PAN2: variants seen among roughly 807,000 people sequenced by gnomAD.
PAN2 encodes PAN2-PAN3 deadenylation complex catalytic subunit PAN2.
In PAN2, 68 loss-of-function variants were observed where a neutral mutation model predicts 133.3. The observed-to-expected ratio is 0.51, with a 90% CI of 0.42 to 0.62. The LOEUF is 0.62. Among genes scored for constraint, PAN2 ranks in the 20% least tolerant of loss-of-function variants. PAN2 has a pLI of 0.00. For missense variants in PAN2, 1,042 were observed against 1,500.5 expected (o/e 0.69, Z 5.05); for synonymous variants, 462 against 544.6 (o/e 0.85, Z 2.11).
At position 56,319,234 on chromosome 12, in the gene PAN2, A is replaced by G; in HGVS notation, c.3271-53T>C. ...TAAGGTAGGGGACCTATAATTCCCC[A>G]TTCTCTAAAGGCACAATGTATACCC... On this transcript the variant is annotated intron_variant, in intron 23 of 25. Coordinates refer to ENST00000440411, the MANE Select transcript of PAN2 (RefSeq NM_014871.6). This position sits in a 1 kb window ranked among gnomAD's most constrained non-coding sequence, Gnocchi z 5.4. The G allele has an allele frequency of 6.2e-7, 1 of 1,613,876 alleles. No individual in the cohort carries two copies. The highest frequency in any genetic ancestry group is 8.5e-7 in the Non-Finnish European group (1 of 1,179,866).
rs1239177904 is a variant in PAN2 at position 56,317,627 on chromosome 12, G to A, written c.3579C>T (p.Ser1193=). 5 of 1,613,820 alleles carry A rather than the reference G, an allele frequency of 3.1e-6. No individual in the cohort carries two copies. Among genetic ancestry groups the A allele is most frequent in the Non-Finnish European group, 4.2e-6 (5 of 1,179,798 alleles). Residue 1193 remains serine, a synonymous_variant, in exon 26 of 26, where the codon TCC becomes TCT. Transcript: ENST00000440411. ...AGGGTAGTCAGAGCGCCAGCACTGA[G>A]GAGAAGACAGCTGCATCTGTCAGAG... is the stretch of plus-strand genomic sequence containing the variant. ...QTSPKNAAVF[S]SVLAL
At chr12:56,331,696 CA>C (rs1250766785) in intron 2 of PAN2, among the ~76,000 whole-genome samples, 1 of 134,938 alleles carries the variant, frequency 7.4e-6, no homozygotes, top group African/African-American at 2.6e-5. Flanking sequence ...AAATGAAGGA[CA>C]GCGTTTTTTT....
At chr12:56,332,097 T>C (rs1346108425) in intron 2 of PAN2, among the ~76,000 whole-genome samples, 1 of 152,176 alleles carries the variant, frequency 6.6e-6, no homozygotes, top group Non-Finnish European at 1.5e-5. Context: ...TTAAGATTGA[T>C]AACTGCTCTG....
intron 2 of PAN2, among the ~76,000 whole-genome samples, chr12:56,330,149 C>G (rs1007528691): frequency 1.2e-4 from 18 of 152,036 alleles, no homozygotes; most frequent in African/African-American, 4.3e-4. Flanking sequence ...CTTTGTTCCC[C>G]TTTTTGGTGC....
At position 56,324,513 on chromosome 12, in the gene PAN2, A is replaced by G. The variant is rs1225178323; in HGVS notation, c.1729-20T>C. The G allele has an allele frequency of 1.2e-6, 2 of 1,612,916 alleles. No homozygotes were observed. The highest frequency in any genetic ancestry group is 2.2e-5 in the South Asian group (2 of 91,040). On this transcript the variant is annotated intron_variant, in intron 11 of 25. Transcript: ENST00000440411. ...ATTGCCCTGGAAATGTGTTGGTGGA[A>G]AGGGGTTATTTTGTCTTTTGTGTCC...
At position 56,317,275 on chromosome 12, in the gene PAN2, G is replaced by C. The variant is rs1874028539; in HGVS notation, c.*334C>G. 1 of 312,214 alleles carries C rather than the reference G, an allele frequency of 3.2e-6. No individual in the cohort carries two copies. The highest frequency in any genetic ancestry group is 2.2e-5 in the African/African-American group (1 of 46,298). The allele number at this position is 312,214 out of a possible 1,614,324, so 19.3% of individuals were successfully genotyped here. A position where few individuals can be genotyped will look rare whatever the true frequency, so the allele number is the denominator to read the frequency against. On this transcript the variant is annotated 3_prime_UTR_variant, in exon 26 of 26. Coordinates refer to ENST00000440411, the MANE Select transcript of PAN2 (RefSeq NM_014871.6). The stretch of plus-strand genomic sequence containing the variant: ...AGGACTTCAATCCCTAGCCAGCTAG[G>C]AACTTACAGTTATGGTTCCAGGAGC...
rs201294472 is a variant in PAN2 at position 56,326,280 on chromosome 12, G to A, written c.1359+33C>T. 3.0e-4 allele frequency: 463 copies of A among 1,533,380 alleles called. 2 individuals are homozygous for A. Among genetic ancestry groups the A allele is most frequent in the Admixed American group, 1.2e-3 (61 of 51,694 alleles). The allele number at this position is 1,533,380 out of a possible 1,614,324, so 95.0% of individuals were successfully genotyped here. ...AAGATAGGAGAAACTTCAGTGGGCC[G>A]GGGTCGGGGCTGACCCTCCACTCTG... On this transcript the variant is annotated intron_variant, in intron 8 of 25. Coordinates refer to ENST00000440411, the MANE Select transcript of PAN2 (RefSeq NM_014871.6).
Position 56,316,956 on chromosome 12 carries a change from ATTTTAT to A in PAN2, c.*647_*652del, listed in dbSNP as rs1235750770. 1 of 152,226 alleles carries A rather than the reference ATTTTAT, an allele frequency of 6.6e-6. No individual in the cohort carries two copies. The highest frequency in any genetic ancestry group is 1.5e-5 in the Non-Finnish European group (1 of 68,048). 9.4% of individuals were successfully genotyped at this position (152,226 alleles called of 1,614,324 possible). On this transcript the variant is annotated 3_prime_UTR_variant, in exon 26 of 26. Transcript: ENST00000440411. The stretch of plus-strand genomic sequence containing the variant: ...TCTAATGAGATAAATAACAAACGAT[ATTTTAT>A]TTTTATTTTATAAAACATGCAGTTT...
At chr12:56,324,257 C>G (rs1288081623) in intron 12 of PAN2, 37 bp downstream of exon 12, 3 of 1,611,616 alleles carry the variant, frequency 1.9e-6, no homozygotes. Flanking sequence ...AGGGGCCTGT[C>G]ATGATGGCTT....
intron 2 of PAN2, among the ~76,000 whole-genome samples, chr12:56,331,830 C>T (rs1875906374): frequency 6.6e-6 from 1 of 152,038 alleles, no homozygotes; most frequent in Non-Finnish European, 1.5e-5. Flanking sequence ...TCTCCTGCCT[C>T]AGCCTTCCGA....
chr12:56,327,251 A>G, intron 6 of PAN2, 113 bp downstream of exon 6: 2 of 1,198,384 alleles, frequency 1.7e-6, no homozygotes, highest in African/African-American at 3.0e-5. Flanking sequence ...TGGGACCCTG[A>G]TGAAAGGTTA....
At chr12:56,328,683 G>C in intron 2 of PAN2, 42 bp from the exon 3 acceptor site, 1 of 1,560,402 alleles carries the variant, frequency 6.4e-7, no homozygotes, top group Non-Finnish European at 8.8e-7. Flanking sequence ...GAGTGGAGGG[G>C]CAAGGGCCAC....
Position 56,319,158 on chromosome 12 carries a change from G to A in PAN2, c.3294C>T (p.Asp1098=). 1 of 1,613,796 alleles carries A rather than the reference G, an allele frequency of 6.2e-7. No individual in the cohort carries two copies. Among genetic ancestry groups the A allele is most frequent in the Non-Finnish European group, 8.5e-7 (1 of 1,179,716 alleles). Residue 1098 remains aspartate, a synonymous_variant, in exon 24 of 26, where the codon GAC becomes GAT. Transcript: ENST00000440411. The surrounding 1 kb of genome is among the most constrained non-coding windows in gnomAD (Gnocchi z 5.4). ...GGGGCATATGGAACAGGTAGACAGT[G>A]TCAAGGACTTGGTCCTTGGGCACCT... ...NLMVPKDQVL[D]TVYLFHMPRK...
chr12:56,323,483 C>T lies in PAN2; in HGVS notation c.2271+17G>A, dbSNP rs1168846964. 6.2e-7 allele frequency: 1 copy of T among 1,612,442 alleles called. No homozygotes were observed. Among genetic ancestry groups the T allele is most frequent in the Non-Finnish European group, 8.5e-7 (1 of 1,178,472 alleles). The stretch of plus-strand genomic sequence containing the variant: ...AAAAATTATTCCGGAAGCCTTGTTT[C>T]TAGTCTGAGTCCTTACCTCAGCCTG... On this transcript the variant is annotated intron_variant, in intron 15 of 25. Transcript: ENST00000440411.
In PAN2 at chr12:56,328,914, C is replaced by T. The variant is rs574630600; in HGVS notation, c.283-273G>A. ...TGACCCTGCTGAATAGGTAATGGCTCACTTGGTTAGAACAGTATATAGAAG... is the reference window on the plus strand; with the variant it reads ...TGACCCTGCTGAATAGGTAATGGCTTACTTGGTTAGAACAGTATATAGAAG... On this transcript the variant is annotated intron_variant, in intron 2 of 25. Coordinates refer to ENST00000440411, the MANE Select transcript of PAN2 (RefSeq NM_014871.6). 7.9e-5 allele frequency among the ~76,000 whole-genome samples: 12 copies of T among 152,328 alleles called. No individual in the cohort carries two copies. In the South Asian group the frequency reaches 2.5e-3, roughly 32 times the overall value.
rs551555020 is a variant in PAN2 at position 56,323,983 on chromosome 12, C to T, written c.2065+66G>A. ...CACAGTTAGTCCCCAACACCCTCTCCCTGATATTACAGGACATTTTGGGGA... is the reference window on the plus strand; with the variant it reads ...CACAGTTAGTCCCCAACACCCTCTCTCTGATATTACAGGACATTTTGGGGA... On this transcript the variant is annotated intron_variant, in intron 13 of 25. Coordinates refer to ENST00000440411, the MANE Select transcript of PAN2 (RefSeq NM_014871.6). 578 of 1,610,458 alleles carry T rather than the reference C, an allele frequency of 3.6e-4. 11 individuals carry two copies. The South Asian group carries it at 5.8e-3, about 16-fold the overall frequency.
chr12:56,321,345 C>T (rs182516943), intron 20 of PAN2, among the ~76,000 whole-genome samples: 5 of 150,712 alleles, frequency 3.3e-5, no homozygotes, highest in African/African-American at 1.2e-4. Context: ...TCTCCTGCCT[C>T]AGCCTCCCAA....
At chr12:56,323,736 C>G in intron 14 of PAN2, 71 bp downstream of exon 14, 1 of 1,440,936 alleles carries the variant, frequency 6.9e-7, no homozygotes, top group Non-Finnish European at 9.8e-7. Context: ...ACAGAGCCAG[C>G]CCCACATGGG....
rs1288346281 is a variant in PAN2 at position 56,325,017 on chromosome 12, T to C, written c.1591A>G (p.Met531Val). ...PHIPNAYCNC[M>V]IQVLYFLEPV... ...GAATACCCAACCCTTACCTGGATCATGCAGTTACAGTAGGCGTTGGGAATG... is the reference window on the plus strand; with the variant it reads ...GAATACCCAACCCTTACCTGGATCACGCAGTTACAGTAGGCGTTGGGAATG... Residue 531 changes from methionine to valine, a missense_variant, in exon 10 of 26, where the codon ATG (methionine) becomes GTG (valine). Physicochemically the swap from Met to Val is conservative, Grantham distance 21. Around this residue, in one of 3 missense-constraint regions of PAN2, gnomAD observed 908 missense variants for 1,223.5 expected, o/e 0.74. Coordinates refer to ENST00000440411, the MANE Select transcript of PAN2 (RefSeq NM_014871.6). 1 of 1,614,094 alleles carries C rather than the reference T, an allele frequency of 6.2e-7. No homozygotes were observed. The highest frequency in any genetic ancestry group is 8.5e-7 in the Non-Finnish European group (1 of 1,179,968).
Sources: gnomAD v4.1 joint callset for allele counts (sites outside exome capture counted in the v4.1 genomes callset) on GRCh38, gnomAD v4.1.1 for gene constraint, gnomAD v4.1.1 regional missense constraint, Gnocchi (gnomAD v3.1) non-coding constraint, MANE v1.5 for transcripts, NCBI Gene and HGNC (gene_info 2026-07-23, HGNC 2026-07-21) for gene names.